The following LYPLAL1 variants were observed in gnomAD, a reference collection of about 807,000 sequenced individuals.
LYPLAL1 encodes lysophospholipase like 1, also known as lysophospholipase-like protein 1.
Under a neutral mutation model 19.7 loss-of-function variants are expected in LYPLAL1, and 23 were observed. The ratio of observed to expected loss-of-function variants is 1.17; its 90% confidence interval spans 0.84 to 1.65. The LOEUF (loss-of-function observed/expected upper bound fraction) is 1.65. Among genes scored for constraint, LYPLAL1 ranks in the 40% most tolerant of loss-of-function variants. The pLI is 0.00. For missense variants in LYPLAL1, 355 were observed against 279.4 expected (o/e 1.27, Z -1.93); for synonymous variants, 119 against 96.3 (o/e 1.24, Z -1.38).
the LYPLAL1 span, among the ~76,000 whole-genome samples, chr1:219,436,332 C>T: frequency 6.6e-6 from 1 of 152,162 alleles, no homozygotes; most frequent in Non-Finnish European, 1.5e-5. Flanking sequence ...AAATAAATCA[C>T]AAGTTATGTC....
chr1:219,282,287 G>A, the LYPLAL1 span, among the ~76,000 whole-genome samples: 1 of 151,624 alleles, frequency 6.6e-6, no homozygotes, highest in African/African-American at 2.4e-5. Flanking sequence ...ACTCTCAAAA[G>A]TAGAACAAAA....
At chr1:219,191,905 C>T (rs562331345) in intron 2 of LYPLAL1, among the ~76,000 whole-genome samples, 20 of 151,058 alleles carry the variant, frequency 1.3e-4, no homozygotes, top group African/African-American at 4.6e-4. Context: ...AAAAGATCCC[C>T]GTATATGAAT....
At chr1:219,229,125 G>GT in the LYPLAL1 span, among the ~76,000 whole-genome samples, 3 of 151,906 alleles carry the variant, frequency 2.0e-5, no homozygotes, top group Non-Finnish European at 4.4e-5. Context: ...AAGTGAATGC[G>GT]TTTTGAGCTA....
chr1:219,396,243 T>C, the LYPLAL1 span, among the ~76,000 whole-genome samples: 2 of 152,214 alleles, frequency 1.3e-5, no homozygotes, highest in African/African-American at 2.4e-5. Flanking sequence ...AAGACAGTTG[T>C]AGATGTGTGG....
At chr1:219,196,664 A>G (rs1657627629) in intron 3 of LYPLAL1, among the ~76,000 whole-genome samples, 1 of 152,174 alleles carries the variant, frequency 6.6e-6, no homozygotes. Flanking sequence ...AGGCAAGAAA[A>G]AGAAATAAAA....
chr1:219,243,227 T>G, the LYPLAL1 span, among the ~76,000 whole-genome samples: 7 of 152,356 alleles, frequency 4.6e-5, no homozygotes, highest in African/African-American at 1.7e-4. Flanking sequence ...ACATAATTTT[T>G]AATGGAAATA....
At position 219,176,544 on chromosome 1, in the gene LYPLAL1, A is replaced by G. The variant is rs899771632; in HGVS notation, c.91+2563A>G. Among the ~76,000 whole-genome samples the G allele has an allele frequency of 5.9e-5, 9 of 152,120 alleles. No homozygotes were observed. In the East Asian group the frequency reaches 7.7e-4, roughly 13 times the overall value. On this transcript the variant is annotated intron_variant, in intron 1 of 4. Coordinates refer to ENST00000366928, the MANE Select transcript of LYPLAL1 (RefSeq NM_138794.5). ...TCATCTGCATTCAGCTTTCTTCTCA[A>G]AAAACTCTCCTGGTTCTTTTTCTGT...
At chr1:219,270,479 G>C in the LYPLAL1 span, among the ~76,000 whole-genome samples, 7 of 152,190 alleles carry the variant, frequency 4.6e-5, no homozygotes, top group African/African-American at 1.7e-4. Context: ...GTTAGGACTG[G>C]GTGTGCCATG....
At chr1:219,440,000 T>TATATATATACACATAC in the LYPLAL1 span, among the ~76,000 whole-genome samples, 7 of 103,418 alleles carry the variant, frequency 6.8e-5, no homozygotes, top group African/African-American at 2.2e-4. Flanking sequence ...TACACACATA[T>TATATATATACACATAC]ATATATATAT....
At chr1:219,192,714 C>A (rs1249488579) in intron 2 of LYPLAL1, among the ~76,000 whole-genome samples, 1 of 151,410 alleles carries the variant, frequency 6.6e-6, no homozygotes. Context: ...TTTGGAATAT[C>A]TTGATGGTGT....
intron 3 of LYPLAL1, chr1:219,198,787 A>T (rs1657824757): frequency 6.6e-6 from 1 of 152,218 alleles, no homozygotes; most frequent in African/African-American, 2.4e-5. Flanking sequence ...ATTAGAAGTG[A>T]ACTAATTTCA....
At chr1:219,370,376 C>T in the LYPLAL1 span, among the ~76,000 whole-genome samples, 14 of 152,182 alleles carry the variant, frequency 9.2e-5, no homozygotes, top group African/African-American at 2.2e-4. Context: ...AGACCTTCCT[C>T]TTTATCCCCT....
the LYPLAL1 span, among the ~76,000 whole-genome samples, chr1:219,327,498 T>A: frequency 6.6e-6 from 1 of 152,064 alleles, no homozygotes; most frequent in African/African-American, 2.4e-5. Flanking sequence ...GGATACTGGG[T>A]GCTTGGAGGG....
At chr1:219,410,570 T>C in the LYPLAL1 span, among the ~76,000 whole-genome samples, 1 of 152,240 alleles carries the variant, frequency 6.6e-6, no homozygotes, top group East Asian at 1.9e-4. Flanking sequence ...AGCCCTTCAG[T>C]CCCCTACTGC....
At chr1:219,268,870 C>A in the LYPLAL1 span, among the ~76,000 whole-genome samples, 6 of 152,338 alleles carry the variant, frequency 3.9e-5, no homozygotes, top group Admixed American at 1.3e-4. Flanking sequence ...AGAAGGCTTT[C>A]TGGGATTTAT....
At chr1:219,223,608 C>G in the LYPLAL1 span, among the ~76,000 whole-genome samples, 1 of 152,058 alleles carries the variant, frequency 6.6e-6, no homozygotes, top group Non-Finnish European at 1.5e-5. Flanking sequence ...ATTTTTATAA[C>G]AAGAATAGAA....
At chr1:219,392,242 T>G in the LYPLAL1 span, among the ~76,000 whole-genome samples, 5 of 152,164 alleles carry the variant, frequency 3.3e-5, no homozygotes, top group South Asian at 1.0e-3. Flanking sequence ...CTTTATACTG[T>G]GAGCCAACAC....
the LYPLAL1 span, among the ~76,000 whole-genome samples, chr1:219,361,382 A>C: frequency 7.9e-5 from 12 of 152,156 alleles, no homozygotes; most frequent in African/African-American, 2.9e-4. Context: ...GCCTAACTGG[A>C]TATAAATATT....
At chr1:219,334,338 T>C in the LYPLAL1 span, among the ~76,000 whole-genome samples, 6 of 152,148 alleles carry the variant, frequency 3.9e-5, no homozygotes, top group South Asian at 2.1e-4. Context: ...CTGCTCCCCA[T>C]TTATACTTTA....
Sources: allele counts gnomAD v4.1 joint callset (sites outside exome capture counted in the v4.1 genomes callset), GRCh38; gene constraint gnomAD v4.1.1; transcripts MANE v1.5; gene names NCBI Gene and HGNC (gene_info 2026-07-23, HGNC 2026-07-21).